Variants in DYNC2H1 observed in about 807,000 individuals in gnomAD.
DYNC2H1 encodes cytoplasmic dynein 2 heavy chain 1.
A neutral mutation model predicts 570.0 loss-of-function variants in DYNC2H1; 410 were observed. That is an observed-to-expected ratio of 0.72 (90% CI 0.66 to 0.78). The LOEUF is 0.78. Ranked by LOEUF, DYNC2H1 falls within the 30% of genes least tolerant of loss-of-function variation. The pLI is 0.00. For missense variants in DYNC2H1, 4,865 were observed against 5,046.4 expected (o/e 0.96, Z 1.09); for synonymous variants, 1,688 against 1,677.6 (o/e 1.01, Z -0.15).
At chr11:103,222,817 T>C in intron 58 of DYNC2H1, 148 bp from the exon 59 acceptor site, 1 of 783,868 alleles carries the variant, frequency 1.3e-6, no homozygotes, top group Non-Finnish European at 2.0e-6. Flanking sequence ...AAAATAGAAG[T>C]TCACTGTATT....
intron 75 of DYNC2H1, among the ~76,000 whole-genome samples, chr11:103,291,008 T>C (rs975500947): frequency 6.6e-6 from 1 of 152,138 alleles, no homozygotes; most frequent in African/African-American, 2.4e-5. Context: ...AAAGCAGCCA[T>C]GGATGGGGGA....
chr11:103,414,825 GA>G (rs1943219758), intron 84 of DYNC2H1, among the ~76,000 whole-genome samples: 1 of 152,094 alleles, frequency 6.6e-6, no homozygotes, highest in South Asian at 2.1e-4. Context: ...CAACTTTCAA[GA>G]ATGTGAAGGA....
intron 45 of DYNC2H1, among the ~76,000 whole-genome samples, chr11:103,190,230 T>A (rs559816726): frequency 5.3e-5 from 8 of 152,170 alleles, no homozygotes; most frequent in Non-Finnish European, 1.2e-4. Flanking sequence ...GTATTCTTCC[T>A]AGATAAAATG....
At chr11:103,470,989 A>G (rs992236936) in intron 88 of DYNC2H1, among the ~76,000 whole-genome samples, 5 of 152,124 alleles carry the variant, frequency 3.3e-5, no homozygotes, top group Admixed American at 6.6e-5. Context: ...AGGAATCGCC[A>G]CACTGACTTC....
chr11:103,188,200 T>A (rs1177216744), intron 43 of DYNC2H1, among the ~76,000 whole-genome samples: 1 of 152,112 alleles, frequency 6.6e-6, no homozygotes, highest in Non-Finnish European at 1.5e-5. Flanking sequence ...TTCCTGATAC[T>A]TTCATTTTCT....
chr11:103,153,240 A>G, intron 21 of DYNC2H1, 63 bp from the exon 22 acceptor site: 1 of 1,376,482 alleles, frequency 7.3e-7, no homozygotes, highest in South Asian at 1.5e-5. Context: ...TTAGAAAGAA[A>G]AGTATGAACC....
intron 84 of DYNC2H1, among the ~76,000 whole-genome samples, chr11:103,426,873 C>T (rs969079913): frequency 2.0e-5 from 3 of 152,194 alleles, no homozygotes; most frequent in Middle Eastern, 3.4e-3. Context: ...CCAAGTGAAA[C>T]GAACAATTAC....
rs1866087066 is a variant in DYNC2H1 at position 103,280,469 on chromosome 11, T to A, written c.10761+56T>A. On this transcript the variant is annotated intron_variant, in intron 71 of 88. Transcript: ENST00000375735. The surrounding 1 kb of genome is among the most constrained non-coding windows in gnomAD (Gnocchi z 4.7). ...AGTAACATAGAAATTTGTTAATGGG[T>A]GGATTTATGTTTAGATTAGAAATTA... 7.3e-7 allele frequency: 1 copy of A among 1,373,412 alleles called. No individual in the cohort carries two copies. The highest frequency in any genetic ancestry group is 1.0e-6 in the Non-Finnish European group (1 of 987,490). The allele number at this position is 1,373,412 out of a possible 1,614,324, so 85.1% of individuals were successfully genotyped here. A position where few individuals can be genotyped will look rare whatever the true frequency, so the allele number is the denominator to read the frequency against.
intron 35 of DYNC2H1, 83 bp from the exon 36 acceptor site, chr11:103,173,972 A>G: frequency 2.1e-6 from 2 of 934,318 alleles, no homozygotes; most frequent in South Asian, 1.6e-5. Flanking sequence ...TGTCAGTGTT[A>G]TATTCTGTAT....
At chr11:103,121,294 T>TA in intron 9 of DYNC2H1, 78 bp from the exon 10 acceptor site, 1 of 1,456,584 alleles carries the variant, frequency 6.9e-7, no homozygotes, top group Non-Finnish European at 9.2e-7. Context: ...GCATCTGACA[T>TA]AGTGCTTGGT....
intron 70 of DYNC2H1, among the ~76,000 whole-genome samples, chr11:103,271,720 C>G (rs1441227437): frequency 1.3e-5 from 2 of 152,268 alleles, no homozygotes; most frequent in African/African-American, 4.8e-5. Flanking sequence ...TACAACAATT[C>G]TGTTATACAG....
chr11:103,360,033 C>T (rs184412137), intron 83 of DYNC2H1, among the ~76,000 whole-genome samples: 33 of 152,176 alleles, frequency 2.2e-4, no homozygotes, highest in African/African-American at 7.5e-4. Flanking sequence ...TGCCACAACA[C>T]ACCCCCTAAT....
chr11:103,387,856 G>A (rs898810864), intron 83 of DYNC2H1, among the ~76,000 whole-genome samples: 1 of 152,034 alleles, frequency 6.6e-6, no homozygotes, highest in African/African-American at 2.4e-5. Flanking sequence ...TGTTCCATTG[G>A]TCTATATCTC....
rs1945281323 is a variant in DYNC2H1, at chr11:103,468,934, GGA to G, written c.12765+233_12765+234del. On this transcript the variant is annotated intron_variant, in intron 88 of 88. Transcript: ENST00000375735. Reference sequence around the variant, plus strand: ...AAAGAATAACATAGTATTAATTTCTGGAGAGTTTATAGCCTGGTAATAAAAAA... The same window carrying G: ...AAAGAATAACATAGTATTAATTTCTGGAGTTTATAGCCTGGTAATAAAAAA... Among the ~76,000 whole-genome samples the G allele has an allele frequency of 3.3e-5, 5 of 152,260 alleles. No individual in the cohort carries two copies. The South Asian group carries it at 1.0e-3, about 32-fold the overall frequency.
At chr11:103,154,195 C>A (rs1450751194) in intron 22 of DYNC2H1, among the ~76,000 whole-genome samples, 1 of 151,752 alleles carries the variant, frequency 6.6e-6, no homozygotes, top group African/African-American at 2.4e-5. Flanking sequence ...TCAGTTTTGA[C>A]TTCTTTGGAA....
chr11:103,425,735 CTCACTAGCCTTTGTGAGCTGGTT>C (rs1943647814), intron 84 of DYNC2H1, among the ~76,000 whole-genome samples: 1 of 31,630 alleles, frequency 3.2e-5, no homozygotes, highest in Non-Finnish European at 5.3e-5. Flanking sequence ...AGACTTGGCT[CTCACTAGCCTTTGTGAGCTGGTT>C]CAATCACATT....
intron 82 of DYNC2H1, 132 bp from the exon 83 acceptor site, chr11:103,358,111 A>T (rs1940443140): frequency 1.8e-6 from 1 of 552,798 alleles, no homozygotes; most frequent in Admixed American, 3.2e-5. Context: ...AGATAATAAG[A>T]TTATAAACTG....
At chr11:103,339,052 C>T (rs867803834) in intron 82 of DYNC2H1, among the ~76,000 whole-genome samples, 2 of 152,150 alleles carry the variant, frequency 1.3e-5, no homozygotes, top group South Asian at 4.1e-4. Context: ...GTGCCCTAAC[C>T]CAGGTATGCT....
intron 84 of DYNC2H1, among the ~76,000 whole-genome samples, chr11:103,422,703 C>T (rs888086789): frequency 2.0e-5 from 3 of 151,910 alleles, no homozygotes; most frequent in Non-Finnish European, 2.9e-5. Context: ...GATAGAGAGC[C>T]ATATATGACA....
Sources: allele counts gnomAD v4.1 joint callset (sites outside exome capture counted in the v4.1 genomes callset), GRCh38; gene constraint gnomAD v4.1.1; non-coding constraint Gnocchi (gnomAD v3.1); transcripts MANE v1.5; gene names NCBI Gene and HGNC (gene_info 2026-07-23, HGNC 2026-07-21).